STAP1: variants seen among roughly 807,000 people sequenced by gnomAD.
STAP1 encodes signal-transducing adaptor protein 1.
Under a neutral mutation model 37.8 loss-of-function variants are expected in STAP1, and 30 were observed. The ratio of observed to expected loss-of-function variants is 0.79; its 90% CI spans 0.59 to 1.08. The LOEUF (loss-of-function observed/expected upper bound fraction) is 1.08. STAP1 is among the 50% of genes least tolerant of loss of function. The pLI is 0.00. For synonymous variants in STAP1, 130 were observed against 116.0 expected (o/e 1.12, Z -0.78); for missense variants, 357 against 349.4 (o/e 1.02, Z -0.17).
At position 67,574,476 on chromosome 4, in the gene STAP1, G is replaced by T. The variant is rs530231683; in HGVS notation, c.193-909G>T. Among the ~76,000 whole-genome samples the T allele has an allele frequency of 4.6e-5, 7 of 152,262 alleles. No individual in the cohort carries two copies. The South Asian group carries it at 1.4e-3, about 32-fold the overall frequency. On this transcript the variant is annotated intron_variant, in intron 2 of 8. Coordinates refer to ENST00000265404, the MANE Select transcript of STAP1 (RefSeq NM_012108.4). ...TGTATGTATTAAAATCAATAAATGT[G>T]AGCAATTTCTTTGCTGAATTAGATA...
intron 8 of STAP1, 83 bp from the exon 9 acceptor site, chr4:67,606,212 GA>G (rs1342202026): frequency 8.8e-7 from 1 of 1,131,924 alleles, no homozygotes; most frequent in Non-Finnish European, 1.3e-6. Context: ...ACACGAGCAG[GA>G]AAATCAACTC....
intron 8 of STAP1, among the ~76,000 whole-genome samples, chr4:67,600,453 T>C (rs1728315588): frequency 6.6e-6 from 1 of 152,166 alleles, no homozygotes; most frequent in Admixed American, 6.5e-5. Context: ...TAATCCATGT[T>C]CTGAAGGAAA....
chr4:67,567,412 T>C (rs565513609), intron 1 of STAP1, among the ~76,000 whole-genome samples: 1 of 152,306 alleles, frequency 6.6e-6, no homozygotes, highest in East Asian at 1.9e-4. Flanking sequence ...TGAACAAAGA[T>C]ACCTTGTCCC....
chr4:67,584,187 A>G (rs556239281), intron 6 of STAP1, among the ~76,000 whole-genome samples: 1 of 152,228 alleles, frequency 6.6e-6, no homozygotes, highest in East Asian at 1.9e-4. Context: ...CATTTGCAGC[A>G]GGGAAGAAGA....
intron 4 of STAP1, among the ~76,000 whole-genome samples, chr4:67,579,831 T>C (rs1406223340): frequency 6.6e-6 from 1 of 152,066 alleles, no homozygotes; most frequent in Non-Finnish European, 1.5e-5. Flanking sequence ...GGAACACATA[T>C]CCAAACTATG....
At chr4:67,559,046 C>A in intron 1 of STAP1, 117 bp downstream of exon 1, 1 of 1,052,604 alleles carries the variant, frequency 9.5e-7, no homozygotes, top group Non-Finnish European at 1.3e-6. Context: ...ATCATCTTCT[C>A]TTCTTTGAGC....
chr4:67,586,363 A>T (rs1478756535), intron 6 of STAP1, among the ~76,000 whole-genome samples: 1 of 152,182 alleles, frequency 6.6e-6, no homozygotes, highest in Non-Finnish European at 1.5e-5. Context: ...AGGCTGAGGT[A>T]GGAGAATCGC....
intron 7 of STAP1, 57 bp from the exon 8 acceptor site, chr4:67,593,203 C>G (rs1418444820): frequency 7.1e-6 from 9 of 1,271,352 alleles, no homozygotes; most frequent in East Asian, 2.4e-5. Context: ...TGAGCCTTCT[C>G]TTACTCTATA....
chr4:67,570,416 A>G (rs1050597002), intron 1 of STAP1, among the ~76,000 whole-genome samples: 3 of 152,196 alleles, frequency 2.0e-5, no homozygotes, highest in African/African-American at 7.2e-5. Flanking sequence ...TGGGACCACT[A>G]TCATATAGGC....
intron 6 of STAP1, among the ~76,000 whole-genome samples, chr4:67,585,699 C>G (rs1167702894): frequency 6.6e-6 from 1 of 152,180 alleles, no homozygotes; most frequent in African/African-American, 2.4e-5. Flanking sequence ...TTTTCAATTA[C>G]AACCTAATTT....
At chr4:67,591,228 C>G (rs1179751864) in intron 7 of STAP1, among the ~76,000 whole-genome samples, 1 of 152,172 alleles carries the variant, frequency 6.6e-6, no homozygotes, top group Non-Finnish European at 1.5e-5. Context: ...TAAACATTCT[C>G]CAATTATAAA....
chr4:67,567,968 GT>G, intron 1 of STAP1, among the ~76,000 whole-genome samples: 1 of 152,226 alleles, frequency 6.6e-6, no homozygotes, highest in South Asian at 2.1e-4. Context: ...AGGGTGACTT[GT>G]TACATGGGAG....
intron 8 of STAP1, among the ~76,000 whole-genome samples, chr4:67,600,273 G>A (rs1056312007): frequency 1.3e-5 from 2 of 152,022 alleles, no homozygotes; most frequent in Admixed American, 6.6e-5. Context: ...GGTCATTCAG[G>A]AGCATTTTGT....
intron 2 of STAP1, among the ~76,000 whole-genome samples, chr4:67,574,579 C>T (rs1350630094): frequency 6.6e-6 from 1 of 152,030 alleles, no homozygotes; most frequent in Non-Finnish European, 1.5e-5. Context: ...CACAACAAAC[C>T]TATCTCATCT....
chr4:67,599,270 C>G (rs1389859147), intron 8 of STAP1, among the ~76,000 whole-genome samples: 1 of 152,066 alleles, frequency 6.6e-6, no homozygotes, highest in East Asian at 1.9e-4. Flanking sequence ...TTTGAATCAT[C>G]TTAGTAGGAT....
At chr4:67,579,561 C>T (rs954754600) in intron 4 of STAP1, among the ~76,000 whole-genome samples, 2 of 152,154 alleles carry the variant, frequency 1.3e-5, no homozygotes, top group Admixed American at 1.3e-4. Flanking sequence ...CCAGCATCTG[C>T]TCAGCTTCTG....
intron 8 of STAP1, among the ~76,000 whole-genome samples, chr4:67,602,943 G>C (rs145598935): frequency 4.5e-4 from 69 of 152,276 alleles, no homozygotes; most frequent in Admixed American, 8.5e-4. Flanking sequence ...GGCTAATCCA[G>C]CCAAGCTTGT....
intron 1 of STAP1, among the ~76,000 whole-genome samples, chr4:67,559,364 T>C (rs1727282859): frequency 6.6e-6 from 1 of 152,158 alleles, no homozygotes; most frequent in African/African-American, 2.4e-5. Context: ...ATTTGAAGTT[T>C]ATAATGATCA....
intron 8 of STAP1, among the ~76,000 whole-genome samples, chr4:67,599,127 T>C (rs1199985120): frequency 1.3e-5 from 2 of 152,342 alleles, no homozygotes; most frequent in Middle Eastern, 3.4e-3. Flanking sequence ...AGTATTTTGT[T>C]GAGGAGTTTT....
Sources: gnomAD v4.1 joint callset for allele counts (sites outside exome capture counted in the v4.1 genomes callset) on GRCh38, gnomAD v4.1.1 for gene constraint, MANE v1.5 for transcripts, NCBI Gene and HGNC (gene_info 2026-07-23, HGNC 2026-07-21) for gene names.